The following MYO1D variants were observed in gnomAD, a reference collection of about 807,000 sequenced individuals.
MYO1D encodes myosin ID.
MYO1D carries 83 observed loss-of-function variants against 122.0 expected under a neutral mutation model. The ratio of observed to expected loss-of-function variants is 0.68; its 90% CI spans 0.57 to 0.82. The LOEUF (loss-of-function observed/expected upper bound fraction) is 0.82, where lower values mean the gene tolerates loss of function less well. Among genes scored for constraint, MYO1D ranks in the 40% least tolerant of loss-of-function variants. The pLI is 0.00. For missense variants in MYO1D, 1,157 were observed against 1,269.5 expected (o/e 0.91, Z 1.35); for synonymous variants, 464 against 446.9 (o/e 1.04, Z -0.48).
At chr17:32,560,812 G>A (rs1482530143) in intron 21 of MYO1D, among the ~76,000 whole-genome samples, 2 of 150,612 alleles carry the variant, frequency 1.3e-5, no homozygotes, top group African/African-American at 4.9e-5. Context: ...TAGAGACGGG[G>A]TTTCATCGTG....
At chr17:32,571,437 C>G (rs911688933) in intron 21 of MYO1D, among the ~76,000 whole-genome samples, 6 of 152,158 alleles carry the variant, frequency 3.9e-5, no homozygotes, top group African/African-American at 1.4e-4. Context: ...TTCCTCCTTT[C>G]CTGGAACTTG....
At chr17:32,711,238 C>G (rs2089372075) in intron 16 of MYO1D, among the ~76,000 whole-genome samples, 1 of 152,162 alleles carries the variant, frequency 6.6e-6, no homozygotes, top group African/African-American at 2.4e-5. Context: ...GGTACAGCAC[C>G]ATCAACTAAC....
intron 21 of MYO1D, among the ~76,000 whole-genome samples, chr17:32,578,021 G>T (rs1248489185): frequency 6.6e-6 from 1 of 152,208 alleles, no homozygotes. Flanking sequence ...TTACAGGCGT[G>T]AGCCACCGCG....
chr17:32,817,431 C>T (rs995127294), intron 1 of MYO1D, among the ~76,000 whole-genome samples: 1 of 152,086 alleles, frequency 6.6e-6, no homozygotes, highest in Non-Finnish European at 1.5e-5. Context: ...TAATAAAATG[C>T]ATATACATTC....
intron 1 of MYO1D, among the ~76,000 whole-genome samples, chr17:32,793,029 T>A (rs1306241612): frequency 6.6e-6 from 1 of 152,156 alleles, no homozygotes; most frequent in Non-Finnish European, 1.5e-5. Flanking sequence ...AGGTACTATG[T>A]CAAGAGCACT....
At chr17:32,738,988 A>C (rs1021346481) in intron 13 of MYO1D, among the ~76,000 whole-genome samples, 3 of 152,164 alleles carry the variant, frequency 2.0e-5, no homozygotes, top group African/African-American at 7.2e-5. Context: ...TATTTTATTG[A>C]TGTGACATTA....
In MYO1D at chr17:32,641,825, A is replaced by G. The variant is rs573353634; in HGVS notation, c.2596-2990T>C. ...TGTTTGAGTTCTTTGTAGATTCTGG[A>G]TATTAGCCCTTTGTCAGATGAGTAG... On this transcript the variant is annotated intron_variant, in intron 19 of 21. Transcript: ENST00000318217. 2.0e-3 allele frequency among the ~76,000 whole-genome samples: 298 copies of G among 152,108 alleles called. 1 individual carries two copies. Among genetic ancestry groups the G allele is most frequent in the South Asian group, 3.9e-3 (19 of 4,812 alleles).
chr17:32,684,410 C>A (rs1208796367), intron 16 of MYO1D: 1 of 152,150 alleles, frequency 6.6e-6, no homozygotes, highest in Non-Finnish European at 1.5e-5. Flanking sequence ...ATGTGTAATC[C>A]ATGAGGACAA....
chr17:32,552,195 C>A lies in MYO1D; in HGVS notation c.2864+52892G>T, dbSNP rs145423884. Reference sequence around the variant, plus strand: ...GACTCAAGCAATCCTCCCACCTCAGCCTCCTGAGTAGCTGGGACTAGAGGC... The same window carrying A: ...GACTCAAGCAATCCTCCCACCTCAGACTCCTGAGTAGCTGGGACTAGAGGC... On this transcript the variant is annotated intron_variant, in intron 21 of 21. Transcript: ENST00000318217. Among the ~76,000 whole-genome samples the A allele has an allele frequency of 3.9e-5, 6 of 152,320 alleles. No homozygotes were observed. The East Asian group carries it at 1.2e-3, about 29-fold the overall frequency.
At chr17:32,685,819 C>T (rs2088997168) in intron 16 of MYO1D, among the ~76,000 whole-genome samples, 1 of 152,224 alleles carries the variant, frequency 6.6e-6, no homozygotes, top group Non-Finnish European at 1.5e-5. Context: ...GAACCCCATG[C>T]TCGGTTACAT....
chr17:32,563,756 G>A lies in MYO1D; in HGVS notation c.2864+41331C>T, dbSNP rs568910543. Among the ~76,000 whole-genome samples, 106 of 152,348 alleles carry A rather than the reference G, an allele frequency of 7.0e-4. 2 individuals are homozygous for A. Among genetic ancestry groups the A allele is most frequent in the Non-Finnish European group, 4.3e-4 (29 of 68,026 alleles). On this transcript the variant is annotated intron_variant, in intron 21 of 21. Coordinates refer to ENST00000318217, the MANE Select transcript of MYO1D (RefSeq NM_015194.3). ...CTTCATGAGAAGGAGCTGAACAGTC[G>A]CGTGGCTTCCTCATTCCTCACCCTG...
rs58606294 is a variant in MYO1D, at chr17:32,694,707, C to CAAAAAAA, written c.2121+17274_2121+17280dup. Reference sequence around the variant, plus strand: ...TGGGCGACAGAGCGAGACTCCGTCTCAAAAAAAAAAAAAAAAAAAAAAAAA... The same window carrying CAAAAAAA: ...TGGGCGACAGAGCGAGACTCCGTCTCAAAAAAAAAAAAAAAAAAAAAAAAAAAAAAAA... On this transcript the variant is annotated intron_variant, in intron 16 of 21. Coordinates refer to ENST00000318217, the MANE Select transcript of MYO1D (RefSeq NM_015194.3). Among the ~76,000 whole-genome samples, 12 of 55,910 alleles carry CAAAAAAA rather than the reference C, an allele frequency of 2.1e-4. 2 individuals carry two copies. The South Asian group carries it at 3.6e-3, about 17-fold the overall frequency. 36.7% of individuals were successfully genotyped at this position (55,910 alleles called of 152,430 possible).
At chr17:32,724,579 C>T (rs577380805) in intron 14 of MYO1D, among the ~76,000 whole-genome samples, 1 of 152,216 alleles carries the variant, frequency 6.6e-6, no homozygotes, top group African/African-American at 2.4e-5. Context: ...GGGAAATTTG[C>T]CAGTTCCAGA....
At chr17:32,654,958 A>G (rs1280241613) in intron 17 of MYO1D, among the ~76,000 whole-genome samples, 2 of 152,164 alleles carry the variant, frequency 1.3e-5, no homozygotes, top group Non-Finnish European at 2.9e-5. Flanking sequence ...GATTACAGGC[A>G]TGAGCCACCA....
chr17:32,607,882 A>G (rs982938054), intron 20 of MYO1D, among the ~76,000 whole-genome samples: 2 of 152,204 alleles, frequency 1.3e-5, no homozygotes, highest in Admixed American at 1.3e-4. Flanking sequence ...AGACAGCTCA[A>G]TGAAGAAAGG....
chr17:32,649,313 T>C (rs1390666507), intron 19 of MYO1D, among the ~76,000 whole-genome samples: 1 of 152,158 alleles, frequency 6.6e-6, no homozygotes, highest in Non-Finnish European at 1.5e-5. Flanking sequence ...ACTTTCATCA[T>C]TCCAAACTGA....
chr17:32,812,287 T>C (rs77431161), intron 1 of MYO1D, among the ~76,000 whole-genome samples: 12 of 152,368 alleles, frequency 7.9e-5, no homozygotes, highest in African/African-American at 2.9e-4. Context: ...GGTATGATTA[T>C]GACTCAAAAT....
chr17:32,594,880 C>T (rs1241587510), intron 21 of MYO1D, among the ~76,000 whole-genome samples: 1 of 152,130 alleles, frequency 6.6e-6, no homozygotes, highest in Non-Finnish European at 1.5e-5. Flanking sequence ...GTAGGAATTC[C>T]TACATCCTGC....
intron 6 of MYO1D, among the ~76,000 whole-genome samples, chr17:32,769,341 A>C (rs1457577387): frequency 6.6e-6 from 1 of 152,180 alleles, no homozygotes; most frequent in Non-Finnish European, 1.5e-5. Context: ...GGAAACAACC[A>C]AAAAAACACC....
Sources: allele counts gnomAD v4.1 joint callset (sites outside exome capture counted in the v4.1 genomes callset), GRCh38; gene constraint gnomAD v4.1.1; transcripts MANE v1.5; gene names NCBI Gene and HGNC (gene_info 2026-07-23, HGNC 2026-07-21).